The following SLC12A6 variants were observed in gnomAD, a reference collection of about 807,000 sequenced individuals.
The protein encoded by SLC12A6 is K-Cl cotransporter 3.
A neutral mutation model predicts 135.3 loss-of-function variants in SLC12A6; 66 were observed. The ratio of observed to expected loss-of-function variants is 0.49; its 90% CI spans 0.40 to 0.60. The LOEUF (loss-of-function observed/expected upper bound fraction) is 0.60. Among genes scored for constraint, SLC12A6 ranks in the 20% least tolerant of loss-of-function variants. SLC12A6 has a pLI of 0.00. For missense variants in SLC12A6, 1,058 were observed against 1,452.3 expected, an observed-to-expected ratio of 0.73 and a Z score of 4.41; for synonymous variants, 513 against 508.8, an observed-to-expected ratio of 1.01 and a Z score of -0.11.
At chr15:34,286,174 A>C (rs921809023) in intron 2 of SLC12A6, among the ~76,000 whole-genome samples, 6 of 151,954 alleles carry the variant, frequency 3.9e-5, no homozygotes, top group Non-Finnish European at 8.8e-5. Flanking sequence ...CCCGGGTTCA[A>C]GCAATTCTCC....
intron 2 of SLC12A6, among the ~76,000 whole-genome samples, chr15:34,303,348 T>A (rs1405133164): frequency 1.3e-5 from 2 of 152,232 alleles, no homozygotes; most frequent in African/African-American, 2.4e-5. Flanking sequence ...TGGAATTTTT[T>A]AAAAACATTG....
At chr15:34,322,416 C>A (rs1035884396) in intron 2 of SLC12A6, among the ~76,000 whole-genome samples, 2 of 151,608 alleles carry the variant, frequency 1.3e-5, no homozygotes, top group Non-Finnish European at 2.9e-5. Context: ...CTTCACTGTA[C>A]GAAAAGTTTA....
chr15:34,268,755 G>A (rs1478211091), intron 3 of SLC12A6, among the ~76,000 whole-genome samples: 1 of 152,034 alleles, frequency 6.6e-6, no homozygotes, highest in Non-Finnish European at 1.5e-5. Flanking sequence ...GGATTATTCA[G>A]AATCCTAAAA....
chr15:34,244,288 A>G (rs146090083), intron 15 of SLC12A6, among the ~76,000 whole-genome samples: 1 of 152,338 alleles, frequency 6.6e-6, no homozygotes, highest in East Asian at 1.9e-4. Context: ...AGTTGTTCTT[A>G]GGATAATCCA....
At chr15:34,324,506 G>A (rs900390188) in intron 2 of SLC12A6, among the ~76,000 whole-genome samples, 1 of 152,062 alleles carries the variant, frequency 6.6e-6, no homozygotes, top group Non-Finnish European at 1.5e-5. Context: ...TTCTTCAGAG[G>A]AATGGGTCTA....
At chr15:34,329,618 A>G (rs1381596407) in intron 2 of SLC12A6, among the ~76,000 whole-genome samples, 1 of 152,204 alleles carries the variant, frequency 6.6e-6, no homozygotes, top group African/African-American at 2.4e-5. Flanking sequence ...AAGATCAAAG[A>G]CAAGAAGTTG....
chr15:34,329,558 A>AT (rs1889698835), intron 2 of SLC12A6, among the ~76,000 whole-genome samples: 1 of 152,150 alleles, frequency 6.6e-6, no homozygotes, highest in African/African-American at 2.4e-5. Flanking sequence ...GAACAAAAGA[A>AT]TTTGGGCTCA....
chr15:34,302,204 A>G (rs959046343), intron 2 of SLC12A6, among the ~76,000 whole-genome samples: 3 of 152,206 alleles, frequency 2.0e-5, no homozygotes, highest in Non-Finnish European at 4.4e-5. Flanking sequence ...CAGTAGATTT[A>G]ATAAAGGCCA....
intron 4 of SLC12A6, 35 bp from the exon 5 acceptor site, chr15:34,258,979 A>T: frequency 1.3e-6 from 2 of 1,558,036 alleles, no homozygotes; most frequent in South Asian, 2.2e-5. Flanking sequence ...AATGAGCTAC[A>T]AAGAACACTG....
At chr15:34,238,508 G>A (rs1199194240) in intron 20 of SLC12A6, 107 bp from the exon 21 acceptor site, 4 of 839,920 alleles carry the variant, frequency 4.8e-6, no homozygotes, top group Admixed American at 2.0e-5. Flanking sequence ...TGAGCAAGGG[G>A]TCCTATTTAC....
chr15:34,246,249 T>C (rs1455170603), intron 13 of SLC12A6, among the ~76,000 whole-genome samples: 2 of 151,898 alleles, frequency 1.3e-5, no homozygotes, highest in Non-Finnish European at 2.9e-5. Flanking sequence ...GTTTTTTTTT[T>C]CTAAGTTTTA....
rs2140669990 is a variant in SLC12A6, at chr15:34,242,106, G to C, written c.2158C>G (p.Gln720Glu). The C allele has an allele frequency of 6.2e-7, 1 of 1,602,428 alleles. No homozygotes were observed. Among genetic ancestry groups the C allele is most frequent in the East Asian group, 2.2e-5 (1 of 44,750 alleles). The change falls in exon 17 of 26, where the codon CAA (glutamine) becomes GAA (glutamate). Residue 720 changes from glutamine to glutamate, a missense_variant. By Grantham distance (29) the Gln-to-Glu change is conservative. This residue lies in a region of SLC12A6 where 170 missense variants were observed against 297.6 expected (regional missense o/e 0.57). Coordinates refer to ENST00000354181, the MANE Select transcript of SLC12A6 (RefSeq NM_001365088.1). ...CAAGATTAAATCCACACTCACCCTT[G>C]GTATTCAATGTACTTGTAGATCATA... ...AGMIYKYIEYQGAEKEWGDGI... is the reference protein window; with the variant it reads ...AGMIYKYIEYEGAEKEWGDGI...
intron 2 of SLC12A6, among the ~76,000 whole-genome samples, chr15:34,297,558 G>T (rs1164357578): frequency 6.6e-6 from 1 of 152,196 alleles, no homozygotes; most frequent in African/African-American, 2.4e-5. Context: ...TGGAACCATG[G>T]CAAAGCCAGG....
chr15:34,262,088 C>T (rs943043820), intron 3 of SLC12A6, among the ~76,000 whole-genome samples: 25 of 152,184 alleles, frequency 1.6e-4, no homozygotes, highest in Non-Finnish European at 7.3e-5. Flanking sequence ...AACCTTCAAG[C>T]CAAAGACAGT....
chr15:34,294,228 A>G (rs1279189499), intron 2 of SLC12A6, among the ~76,000 whole-genome samples: 1 of 152,068 alleles, frequency 6.6e-6, no homozygotes, highest in Non-Finnish European at 1.5e-5. Context: ...GCTAATTTAA[A>G]TACTTCCTTC....
chr15:34,297,161 T>G (rs1405609059), intron 2 of SLC12A6, among the ~76,000 whole-genome samples: 1 of 152,166 alleles, frequency 6.6e-6, no homozygotes, highest in East Asian at 1.9e-4. Flanking sequence ...TGCTAATCTC[T>G]TTTTTAACAG....
chr15:34,337,055 T>C (rs1447800329), intron 1 of SLC12A6: 2 of 333,260 alleles, frequency 6.0e-6, no homozygotes, highest in Non-Finnish European at 5.7e-6. Flanking sequence ...CTCCCTCCCC[T>C]CAGCCCCCAG....
At chr15:34,312,665 G>C (rs1888342425) in intron 2 of SLC12A6, among the ~76,000 whole-genome samples, 1 of 152,132 alleles carries the variant, frequency 6.6e-6, no homozygotes, top group Non-Finnish European at 1.5e-5. Context: ...TAATATACAG[G>C]CATACCTTGT....
intron 2 of SLC12A6, among the ~76,000 whole-genome samples, chr15:34,298,273 G>C (rs1168366941): frequency 6.6e-6 from 1 of 152,028 alleles, no homozygotes; most frequent in Non-Finnish European, 1.5e-5. Flanking sequence ...TCAGGAGTTT[G>C]AGACCAGCCT....
Sources: gnomAD v4.1 joint callset for allele counts (sites outside exome capture counted in the v4.1 genomes callset) on GRCh38, gnomAD v4.1.1 for gene constraint, gnomAD v4.1.1 regional missense constraint, MANE v1.5 for transcripts, NCBI Gene and HGNC (gene_info 2026-07-23, HGNC 2026-07-21) for gene names.